Variants in CES3 observed in about 807,000 individuals in gnomAD.
The protein encoded by CES3 is carboxylesterase 3 (brain).
Under a neutral mutation model 57.6 loss-of-function variants are expected in CES3, and 49 were observed. That is an observed-to-expected ratio of 0.85 (90% CI 0.68 to 1.08). The LOEUF is 1.08. Among genes scored for constraint, CES3 ranks in the 50% least tolerant of loss-of-function variants. The pLI, the probability that CES3 is intolerant of heterozygous loss-of-function variation, is 0.00. For missense variants in CES3, 645 were observed against 742.0 expected (o/e 0.87, Z 1.52); for synonymous variants, 266 against 281.6 (o/e 0.94, Z 0.55).
chr16:66,963,736 G>T lies in CES3; in HGVS notation c.427-66G>T, dbSNP rs771540437. On this transcript the variant is annotated intron_variant, in intron 3 of 12. Transcript: ENST00000303334. The surrounding 1 kb of genome is among the most constrained non-coding windows in gnomAD (Gnocchi z 4.9). ...ACCCTAGCGGTCCTGAGACTGCCTG[G>T]GCTGGCAGGTGGGCAGCTAAGGTCT... 1 of 1,609,912 alleles carries T rather than the reference G, an allele frequency of 6.2e-7. No individual in the cohort carries two copies. Among genetic ancestry groups the T allele is most frequent in the Admixed American group, 1.7e-5 (1 of 59,962 alleles).
intron 11 of CES3, 44 bp from the exon 12 acceptor site, chr16:66,972,624 T>G: frequency 6.2e-7 from 1 of 1,613,492 alleles, no homozygotes; most frequent in Admixed American, 1.7e-5. Context: ...CCCTTCCAGG[T>G]CCCACCTGAC....
chr16:66,964,507 C>T lies in CES3; in HGVS notation c.711C>T (p.Gly237=). 6.2e-7 allele frequency: 1 copy of T among 1,613,672 alleles called. No individual in the cohort carries two copies. Among genetic ancestry groups the T allele is most frequent in the Non-Finnish European group, 8.5e-7 (1 of 1,179,842 alleles). The part of the protein sequence containing the change: ...GGSAGGSIIS[G]LVLSPVAAGL... ...CTGCCGGTGGGAGCATCATCTCTGG[C>T]CTGGTAAGTCACTATAGGGGGCTAG... is the stretch of plus-strand genomic sequence containing the variant. Residue 237 remains glycine, a synonymous_variant, in exon 5 of 13, where the codon GGC becomes GGT. Transcript: ENST00000303334.
intron 1 of CES3, chr16:66,962,976 C>G (rs971673707): frequency 1.7e-5 from 12 of 705,122 alleles, no homozygotes; most frequent in Non-Finnish European, 1.8e-5. Context: ...CCCGGTCTGG[C>G]CTGGAGTGGA....
intron 1 of CES3, among the ~76,000 whole-genome samples, chr16:66,962,191 T>C (rs1597018224): frequency 6.6e-6 from 1 of 152,050 alleles, no homozygotes; most frequent in Admixed American, 6.5e-5. Flanking sequence ...GGCTCTGTGG[T>C]GATTATGGCT....
chr16:66,965,421 G>T (rs540348568), intron 6 of CES3, among the ~76,000 whole-genome samples: 2 of 152,190 alleles, frequency 1.3e-5, no homozygotes, highest in Non-Finnish European at 2.9e-5. Context: ...TAGAGCCATC[G>T]GGGAGAGAGG....
Position 66,963,093 on chromosome 16 carries a change from T to G in CES3, c.83-86T>G. 1.4e-6 allele frequency: 2 copies of G among 1,412,518 alleles called. No homozygotes were observed. The highest frequency in any genetic ancestry group is 2.0e-6 in the Non-Finnish European group (2 of 1,003,166). 87.5% of individuals were successfully genotyped at this position (1,412,518 alleles called of 1,614,324 possible). A position where few individuals can be genotyped will look rare whatever the true frequency, so the allele number is the denominator to read the frequency against. ...TACCAAGATGCTGTGTGGTAAGTAC[T>G]GAGAACAGCCTGAGGGTTTGTCTTT... On this transcript the variant is annotated intron_variant, in intron 1 of 12. Transcript: ENST00000303334. The surrounding 1 kb of genome is among the most constrained non-coding windows in gnomAD (Gnocchi z 4.9).
At position 66,963,110 on chromosome 16, in the gene CES3, T is replaced by A; in HGVS notation, c.83-69T>A. 1 of 1,497,150 alleles carries A rather than the reference T, an allele frequency of 6.7e-7. No individual in the cohort carries two copies. Among genetic ancestry groups the A allele is most frequent in the Admixed American group, 1.7e-5 (1 of 59,312 alleles). The allele number at this position is 1,497,150 out of a possible 1,614,324, so 92.7% of individuals were successfully genotyped here. A position where few individuals can be genotyped will look rare whatever the true frequency, so the allele number is the denominator to read the frequency against. ...GTAAGTACTGAGAACAGCCTGAGGG[T>A]TTGTCTTTCACTCCTTCCCCTCATG... On this transcript the variant is annotated intron_variant, in intron 1 of 12. Transcript: ENST00000303334. This position sits in a 1 kb window ranked among gnomAD's most constrained non-coding sequence, Gnocchi z 4.9.
chr16:66,965,923 G>C (rs1400316143), intron 6 of CES3, among the ~76,000 whole-genome samples: 1 of 152,194 alleles, frequency 6.6e-6, no homozygotes. Flanking sequence ...CTGGGCGACA[G>C]AGCGAGAGTC....
intron 9 of CES3, among the ~76,000 whole-genome samples, chr16:66,970,722 A>T (rs1567558005): frequency 1.3e-5 from 2 of 152,238 alleles, no homozygotes; most frequent in Non-Finnish European, 2.9e-5. Flanking sequence ...TCTCAATACC[A>T]GGGGCTGTTC....
chr16:66,964,019 C>T, intron 4 of CES3, 84 bp downstream of exon 4: 1 of 1,564,576 alleles, frequency 6.4e-7, no homozygotes, highest in Non-Finnish European at 8.7e-7. Context: ...AGGTTGGGGT[C>T]CGGAACCTGA....
chr16:66,968,121 C>A (rs1274545889), intron 8 of CES3, among the ~76,000 whole-genome samples: 3 of 152,110 alleles, frequency 2.0e-5, no homozygotes, highest in Non-Finnish European at 4.4e-5. Context: ...ATTGTTCTTT[C>A]ATCTTGGCAT....
chr16:66,964,276 C>G lies in CES3; in HGVS notation c.561-81C>G, dbSNP rs1963697730. On this transcript the variant is annotated intron_variant, in intron 4 of 12. Transcript: ENST00000303334. ...GGGGAGCAGAGAAGGGTCTGGCATCCTGGTGGCTAATTCAAAGCAAACCTG... is the reference window on the plus strand; with the variant it reads ...GGGGAGCAGAGAAGGGTCTGGCATCGTGGTGGCTAATTCAAAGCAAACCTG... The G allele has an allele frequency of 4.5e-6, 7 of 1,554,830 alleles. No homozygotes were observed. The South Asian group carries it at 8.4e-5, about 19-fold the overall frequency.
chr16:66,964,062 A>G (rs1963694189), intron 4 of CES3, 127 bp downstream of exon 4: 2 of 1,385,590 alleles, frequency 1.4e-6, no homozygotes. Flanking sequence ...TGTCTGAGGC[A>G]GAGAAGGGCA....
chr16:66,974,673 G>T lies in CES3; in HGVS notation c.*1624G>T, dbSNP rs1449415614. ...GCTGCCCCAGTGCTGGATCCACTGGGTGAAGCCAGCTGGGCTCCTGAGTCT... is the reference window on the plus strand; with the variant it reads ...GCTGCCCCAGTGCTGGATCCACTGGTTGAAGCCAGCTGGGCTCCTGAGTCT... On this transcript the variant is annotated 3_prime_UTR_variant, in exon 13 of 13. Transcript: ENST00000303334. 2 of 153,716 alleles carry T rather than the reference G, an allele frequency of 1.3e-5. No homozygotes were observed. The highest frequency in any genetic ancestry group is 4.8e-5 in the African/African-American group (2 of 41,490). 9.5% of individuals were successfully genotyped at this position (153,716 alleles called of 1,614,324 possible).
intron 7 of CES3, 76 bp downstream of exon 7, chr16:66,966,421 G>A (rs912936019): frequency 6.9e-7 from 1 of 1,443,624 alleles, no homozygotes; most frequent in Non-Finnish European, 9.6e-7. Flanking sequence ...AGGAGCAGAG[G>A]GGCAGTCTAC....
At chr16:66,971,814 C>T (rs1463090044) in intron 10 of CES3, among the ~76,000 whole-genome samples, 1 of 152,128 alleles carries the variant, frequency 6.6e-6, no homozygotes, top group Non-Finnish European at 1.5e-5. Context: ...TCTATTAATA[C>T]AGAATCTATT....
intron 6 of CES3, 37 bp from the exon 7 acceptor site, chr16:66,966,207 G>T (rs760764647): frequency 1.3e-6 from 2 of 1,591,146 alleles, no homozygotes; most frequent in East Asian, 2.2e-5. Context: ...GGGCTGAGTG[G>T]CTGAGAGGGA....
rs774993420 is a variant in CES3 at position 66,964,724 on chromosome 16, T to C, written c.816T>C (p.Ala272=). 2 of 1,613,290 alleles carry C rather than the reference T, an allele frequency of 1.2e-6. No individual in the cohort carries two copies. Among genetic ancestry groups the C allele is most frequent in the South Asian group, 2.2e-5 (2 of 91,044 alleles). Residue 272 remains alanine (A), a synonymous_variant, in exon 6 of 13, where the codon GCT becomes GCC. Transcript: ENST00000303334. The part of the protein sequence containing the change: ...GIIDSHPWPL[A]QKIANTLACS... ...TCGACTCTCACCCTTGGCCCCTAGC[T>C]CAGGTCTGTATTTCCTTCCCTCTCT...
intron 10 of CES3, among the ~76,000 whole-genome samples, chr16:66,971,968 C>T (rs1320197052): frequency 6.6e-6 from 1 of 151,932 alleles, no homozygotes; most frequent in Non-Finnish European, 1.5e-5. Flanking sequence ...ACCCCAATCT[C>T]TACACAAATT....
Sources: allele counts gnomAD v4.1 joint callset (sites outside exome capture counted in the v4.1 genomes callset), GRCh38; gene constraint gnomAD v4.1.1; non-coding constraint Gnocchi (gnomAD v3.1); transcripts MANE v1.5; gene names NCBI Gene and HGNC (gene_info 2026-07-23, HGNC 2026-07-21).